Variants in KRT79 observed in about 807,000 individuals in gnomAD.
The protein encoded by KRT79 is keratin 79.
Under a neutral mutation model 49.0 loss-of-function variants are expected in KRT79, and 51 were observed. That is an observed-to-expected ratio of 1.04 (90% CI 0.83 to 1.31). KRT79 has a LOEUF of 1.31. Ranked by LOEUF, KRT79 falls within the 40% of genes most tolerant of loss-of-function variation. The pLI is 0.00. For synonymous variants in KRT79, 312 were observed against 286.6 expected (o/e 1.09, Z -0.90); for missense variants, 728 against 688.0 (o/e 1.06, Z -0.65).
At chr12:52,832,570 G>A (rs1374360149) in intron 1 of KRT79, among the ~76,000 whole-genome samples, 1 of 151,964 alleles carries the variant, frequency 6.6e-6, no homozygotes, top group African/African-American at 2.4e-5. Context: ...TTGGCCTCTG[G>A]GACAGTCCCA....
chr12:52,823,937 T>C lies in KRT79; in HGVS notation c.1096A>G (p.Thr366Ala). ...CCCTGCAGCCTCTGGATAGTGCGGGTGAGCTCAGCAATCTCGTTCTTGGTG... is the reference window on the plus strand; with the variant it reads ...CCCTGCAGCCTCTGGATAGTGCGGGCGAGCTCAGCAATCTCGTTCTTGGTG... ...RDTKNEIAEL[T>A]RTIQRLQGEA... is the part of the protein sequence containing the mutation. Residue 366 changes from threonine to alanine, a missense_variant, in exon 6 of 9, where the codon ACC becomes GCC. Transcript: ENST00000330553. 1 of 1,613,470 alleles carries C rather than the reference T, an allele frequency of 6.2e-7. No individual in the cohort carries two copies.
Position 52,831,733 on chromosome 12 carries a change from C to T in KRT79, c.478-107G>A, listed in dbSNP as rs553362239. On this transcript the variant is annotated intron_variant, in intron 1 of 8. Transcript: ENST00000330553. ...CTCCAAGGCCAGGGCAACATAGGGA[C>T]GCTGCAGCCGCACCTACACTTTGCT... 64 of 826,100 alleles carry T rather than the reference C, an allele frequency of 7.7e-5. No homozygotes were observed. The East Asian group carries it at 9.8e-4, about 13-fold the overall frequency. The allele number at this position is 826,100 out of a possible 1,614,324, so 51.2% of individuals were successfully genotyped here. A position where few individuals can be genotyped will look rare whatever the true frequency, so the allele number is the denominator to read the frequency against.
chr12:52,829,492 G>T (rs1205623823), intron 4 of KRT79, among the ~76,000 whole-genome samples: 8 of 152,206 alleles, frequency 5.3e-5, no homozygotes, highest in Non-Finnish European at 1.0e-4. Flanking sequence ...CTATAAAATT[G>T]AGACAATAAT....
At chr12:52,822,913 C>T in intron 7 of KRT79, 103 bp downstream of exon 7, 2 of 1,178,920 alleles carry the variant, frequency 1.7e-6, no homozygotes, top group East Asian at 2.5e-5. Flanking sequence ...GATCTTGCTC[C>T]CTGGTTCCTC....
intron 3 of KRT79, 52 bp downstream of exon 3, chr12:52,830,180 G>C: frequency 6.2e-7 from 1 of 1,612,300 alleles, no homozygotes; most frequent in Non-Finnish European, 8.5e-7. Context: ...CCCCGAATCA[G>C]CCCAGTACCC....
intron 5 of KRT79, 26 bp from the exon 6 acceptor site, chr12:52,824,038 G>A (rs371842055): frequency 6.4e-5 from 104 of 1,613,874 alleles, no homozygotes; most frequent in African/African-American, 4.7e-4. Context: ...GTGGCAGTGC[G>A]CTTTCAAATG....
In KRT79 at chr12:52,823,317, A is replaced by G. The variant is rs1940127136; in HGVS notation, c.1147-81T>C. ...TCTGCCCTCAAGCCATGGAGACATCATCATTCCCACATCCCTGCCCCCAAC... is the reference window on the plus strand; with the variant it reads ...TCTGCCCTCAAGCCATGGAGACATCGTCATTCCCACATCCCTGCCCCCAAC... On this transcript the variant is annotated intron_variant, in intron 6 of 8. Coordinates refer to ENST00000330553, the MANE Select transcript of KRT79 (RefSeq NM_175834.3). 5 of 1,154,194 alleles carry G rather than the reference A, an allele frequency of 4.3e-6. No homozygotes were observed. In the South Asian group the frequency reaches 5.2e-5, roughly 12 times the overall value. 71.5% of individuals were successfully genotyped at this position (1,154,194 alleles called of 1,614,324 possible).
Position 52,831,505 on chromosome 12 carries a change from C to T in KRT79, c.599G>A (p.Gly200Asp), listed in dbSNP as rs749237315. Reference protein sequence around the residue: ...NLEPLFEAYLGSMRSTLDRLQ... With the variant: ...NLEPLFEAYLDSMRSTLDRLQ... Reference sequence around the variant, plus strand: ...TCTGTCCAGCGTGCTCCGCATGCTACCCAGGTAGGCCTCAAAGAGGGGCTC... The same window carrying T: ...TCTGTCCAGCGTGCTCCGCATGCTATCCAGGTAGGCCTCAAAGAGGGGCTC... Residue 200 changes from glycine (G) to aspartate (D), a missense_variant, in exon 2 of 9, where the codon GGT (glycine) becomes GAT (aspartate). Transcript: ENST00000330553. The T allele has an allele frequency of 3.1e-6, 5 of 1,614,230 alleles. No individual in the cohort carries two copies. In the South Asian group the frequency reaches 4.4e-5, roughly 14 times the overall value.
chr12:52,831,301 T>C, intron 2 of KRT79, 105 bp downstream of exon 2: 1 of 1,020,146 alleles, frequency 9.8e-7, no homozygotes, highest in East Asian at 2.4e-5. Flanking sequence ...TGTCTGTGCA[T>C]CCCCCAGGTG....
rs141269667 is a variant in KRT79, at chr12:52,821,986, C to T, written c.1494G>A (p.Lys498=). Residue 498 remains lysine, a synonymous_variant, in exon 9 of 9, where the codon AAG becomes AAA. Coordinates refer to ENST00000330553, the MANE Select transcript of KRT79 (RefSeq NM_175834.3). ...AGCCCACATTTGTGCTGAATCCACC[C>T]TTGGTGGCCCCCCCACTCCCACCCA... ...ISLGGSGGAT[K]GGFSTNVGYS... is the part of the protein sequence containing the mutation. 5.6e-6 allele frequency: 9 copies of T among 1,614,196 alleles called. No homozygotes were observed. In the African/African-American group the frequency reaches 1.1e-4, roughly 19 times the overall value.
chr12:52,829,836 A>C (rs1391980138), intron 4 of KRT79, among the ~76,000 whole-genome samples, 187 bp downstream of exon 4: 8 of 152,158 alleles, frequency 5.3e-5, no homozygotes, highest in African/African-American at 1.7e-4. Flanking sequence ...GGTTGCAGTG[A>C]GCCAAGACTG....
intron 4 of KRT79, among the ~76,000 whole-genome samples, chr12:52,827,552 T>C (rs1255861247): frequency 6.6e-6 from 1 of 152,010 alleles, no homozygotes; most frequent in African/African-American, 2.4e-5. Flanking sequence ...ACCTAAAAAC[T>C]CAGCATGGCA....
In KRT79 at chr12:52,825,758, G is replaced by C. The variant is rs924373195; in HGVS notation, c.856-1396C>G. ...ACTTGTGGTTTTTGGGAAGATATGA[G>C]TTTTGGAGATAGACAAGCCTGAGAT... On this transcript the variant is annotated intron_variant, in intron 4 of 8. Transcript: ENST00000330553. 2.0e-5 allele frequency among the ~76,000 whole-genome samples: 3 copies of C among 152,190 alleles called. No homozygotes were observed. The South Asian group carries it at 6.2e-4, about 32-fold the overall frequency.
At chr12:52,830,924 A>G (rs1565692435) in intron 2 of KRT79, among the ~76,000 whole-genome samples, 1 of 152,188 alleles carries the variant, frequency 6.6e-6, no homozygotes, top group Non-Finnish European at 1.5e-5. Flanking sequence ...TGATTATGCC[A>G]CTGTATGTTT....
chr12:52,827,945 G>A (rs1159873351), intron 4 of KRT79, among the ~76,000 whole-genome samples: 2 of 152,142 alleles, frequency 1.3e-5, no homozygotes, highest in African/African-American at 2.4e-5. Context: ...GACTGCCAAG[G>A]GAAGGAACGC....
rs201543070 is a variant in KRT79, at chr12:52,823,998, C to A, written c.1035G>T (p.Gln345His). The change falls in exon 6 of 9, where the codon CAG becomes CAT. Residue 345 changes from glutamine to histidine, a missense_variant. Coordinates refer to ENST00000330553, the MANE Select transcript of KRT79 (RefSeq NM_175834.3). ...TGTCCCCATGCTTCCCAGCAGTCAC[C>A]TGCAGCTCCTCATACTGGGGACCAA... Reference protein sequence around the residue: ...AWYQTKYEELQVTAGKHGDNL... With the variant: ...AWYQTKYEELHVTAGKHGDNL... The A allele has an allele frequency of 1.2e-6, 2 of 1,614,200 alleles. No individual in the cohort carries two copies. Among genetic ancestry groups the A allele is most frequent in the East Asian group, 2.2e-5 (1 of 44,890 alleles).
intron 4 of KRT79, among the ~76,000 whole-genome samples, 160 bp downstream of exon 4, chr12:52,829,863 C>T (rs1940225842): frequency 6.6e-6 from 1 of 152,164 alleles, no homozygotes; most frequent in Admixed American, 6.5e-5. Context: ...TACACTCCAG[C>T]CTGGGTAACA....
intron 1 of KRT79, among the ~76,000 whole-genome samples, chr12:52,832,435 G>A (rs1490699622): frequency 6.6e-6 from 1 of 151,838 alleles, no homozygotes; most frequent in African/African-American, 2.4e-5. Flanking sequence ...CTCAGAAGGA[G>A]GCTTACGGTG....
intron 8 of KRT79, 133 bp from the exon 9 acceptor site, chr12:52,822,210 T>C: frequency 7.9e-7 from 1 of 1,272,594 alleles, no homozygotes; most frequent in Non-Finnish European, 1.1e-6. Context: ...AGCCCAGAAC[T>C]AGGACCCTCT....
Sources: allele counts gnomAD v4.1 joint callset (sites outside exome capture counted in the v4.1 genomes callset), GRCh38; gene constraint gnomAD v4.1.1; transcripts MANE v1.5; gene names NCBI Gene and HGNC (gene_info 2026-07-23, HGNC 2026-07-21).